Variants in XIRP2 observed in about 807,000 individuals in gnomAD.
XIRP2 encodes the protein xin actin-binding repeat-containing protein 2.
In XIRP2, 236 loss-of-function variants were observed where a neutral mutation model predicts 277.0. The ratio of observed to expected loss-of-function variants is 0.85; its 90% CI spans 0.77 to 0.95. The LOEUF (loss-of-function observed/expected upper bound fraction) is 0.95. Among genes scored for constraint, XIRP2 ranks in the 40% least tolerant of loss-of-function variants. The pLI is 0.00. For missense variants in XIRP2, 4,640 were observed against 4,157.5 expected (o/e 1.12, Z -3.19); for synonymous variants, 1,490 against 1,416.5 (o/e 1.05, Z -1.17).
Position 167,251,335 on chromosome 2 carries a change from GC to G in XIRP2, c.9945del (p.Asn3316ThrfsTer11), listed in dbSNP as rs1338885320. Reference sequence around the variant, plus strand: ...AGAGCACACACAGAGATATGAAGCGGCCAACCGAACTGTTCAAATGGCTGAA... The same window carrying G: ...AGAGCACACACAGAGATATGAAGCGGCAACCGAACTGTTCAAATGGCTGAA... Reference protein sequence around the residue: ...LSEHTQRYEAANRTVQMAENF... With the variant: ...LSEHTQRYEAXNRTVQMAENF... On this transcript the variant is annotated frameshift_variant, in exon 9 of 11. Transcript: ENST00000409195. LOFTEE classifies it high-confidence loss of function. The G allele has an allele frequency of 6.2e-7, 1 of 1,613,430 alleles. No homozygotes were observed. Among genetic ancestry groups the G allele is most frequent in the East Asian group, 2.2e-5 (1 of 44,838 alleles).
intron 2 of XIRP2, among the ~76,000 whole-genome samples, chr2:166,940,602 G>T (rs193153377): frequency 7.6e-4 from 115 of 152,254 alleles, no homozygotes; most frequent in Middle Eastern, 6.8e-3. Flanking sequence ...CTTTGATGGT[G>T]GTGGCGTACA....
chr2:167,217,794 T>C (rs190249270), intron 4 of XIRP2, among the ~76,000 whole-genome samples: 78 of 152,318 alleles, frequency 5.1e-4, no homozygotes, highest in African/African-American at 1.7e-3. Context: ...GGGATTTTAA[T>C]GACAACTTTA....
chr2:167,003,441 T>C (rs1474276538), intron 2 of XIRP2, among the ~76,000 whole-genome samples: 2 of 151,858 alleles, frequency 1.3e-5, no homozygotes, highest in Non-Finnish European at 2.9e-5. Flanking sequence ...ATATTTGAGC[T>C]GATTATTAAT....
intron 3 of XIRP2, among the ~76,000 whole-genome samples, chr2:167,157,490 T>C (rs73017988): frequency 0.099 from 15,042 of 152,178 alleles, 798 homozygotes; most frequent in South Asian, 0.16. Flanking sequence ...CGTGTGCATT[T>C]ACATTGTATA....
intron 5 of XIRP2, among the ~76,000 whole-genome samples, chr2:167,234,392 TTATA>T (rs71971811): frequency 6.7e-6 from 1 of 148,880 alleles, no homozygotes; most frequent in Non-Finnish European, 1.5e-5. Context: ...ATATCATTAA[TTATA>T]TATATATATA....
intron 2 of XIRP2, among the ~76,000 whole-genome samples, chr2:167,097,352 G>T (rs1338629649): frequency 6.7e-6 from 1 of 149,778 alleles, no homozygotes; most frequent in African/African-American, 2.5e-5. Context: ...TTTTATCAGA[G>T]ACTAGGATTG....
intron 2 of XIRP2, among the ~76,000 whole-genome samples, chr2:167,115,188 G>GT (rs1452327651): frequency 4.6e-5 from 7 of 151,276 alleles, no homozygotes; most frequent in Non-Finnish European, 8.8e-5. Context: ...CTTATAGTGT[G>GT]TTTTTCAGCT....
At chr2:167,041,670 G>A (rs1226590211) in intron 2 of XIRP2, among the ~76,000 whole-genome samples, 1 of 152,090 alleles carries the variant, frequency 6.6e-6, no homozygotes, top group African/African-American at 2.4e-5. Context: ...CAAGAAATGA[G>A]GAATGATGTA....
chr2:166,975,119 A>G (rs984043491), intron 2 of XIRP2, among the ~76,000 whole-genome samples: 2 of 152,168 alleles, frequency 1.3e-5, no homozygotes, highest in Non-Finnish European at 1.5e-5. Context: ...TTATAAATAC[A>G]TATTACCTAA....
intron 4 of XIRP2, among the ~76,000 whole-genome samples, chr2:167,211,601 A>G (rs1289550902): frequency 6.6e-6 from 1 of 152,166 alleles, no homozygotes; most frequent in African/African-American, 2.4e-5. Context: ...TTAATTTCAA[A>G]TTTTAATAAC....
intron 2 of XIRP2, among the ~76,000 whole-genome samples, chr2:166,929,105 C>T (rs1685261913): frequency 6.6e-6 from 1 of 151,860 alleles, no homozygotes; most frequent in Non-Finnish European, 1.5e-5. Flanking sequence ...TTTAGAAATA[C>T]AAATTTGGGG....
intron 3 of XIRP2, among the ~76,000 whole-genome samples, chr2:167,170,894 C>CT (rs773187641): frequency 0.036 from 3,307 of 92,682 alleles, 133 homozygotes; most frequent in East Asian, 0.14. Context: ...TGCCTTTCTT[C>CT]TTTTTTTTTT....
At chr2:167,179,962 A>G in intron 3 of XIRP2, among the ~76,000 whole-genome samples, 1 of 152,190 alleles carries the variant, frequency 6.6e-6, no homozygotes, top group East Asian at 1.9e-4. Flanking sequence ...TTTTTTATAT[A>G]TTCTAAAATA....
intron 3 of XIRP2, among the ~76,000 whole-genome samples, chr2:167,189,268 T>A (rs1370523883): frequency 2.6e-5 from 4 of 151,950 alleles, no homozygotes; most frequent in Non-Finnish European, 4.4e-5. Flanking sequence ...GCTCTCTCTC[T>A]CACACACACA....
At chr2:166,941,100 G>A (rs1017073380) in intron 2 of XIRP2, among the ~76,000 whole-genome samples, 20 of 152,128 alleles carry the variant, frequency 1.3e-4, no homozygotes, top group Non-Finnish European at 2.6e-4. Flanking sequence ...CACTCAGTTC[G>A]AGCTTCCCAG....
At chr2:166,944,704 C>CT (rs141985935) in intron 2 of XIRP2, among the ~76,000 whole-genome samples, 14,009 of 152,098 alleles carry the variant, frequency 0.092, 724 homozygotes, top group Non-Finnish European at 0.11. Flanking sequence ...TTTCTAAGTG[C>CT]TTTTTATGTT....
intron 2 of XIRP2, among the ~76,000 whole-genome samples, chr2:167,060,194 C>G (rs999393868): frequency 7.1e-6 from 1 of 141,018 alleles, no homozygotes; most frequent in Admixed American, 6.9e-5. Flanking sequence ...AAAATGATAA[C>G]GGGGGAAAAA....
intron 2 of XIRP2, among the ~76,000 whole-genome samples, chr2:166,966,779 A>C (rs1686444430): frequency 6.6e-6 from 1 of 152,004 alleles, no homozygotes; most frequent in Non-Finnish European, 1.5e-5. Flanking sequence ...TGGCAGGGTA[A>C]ATTACAGATA....
intron 10 of XIRP2, among the ~76,000 whole-genome samples, chr2:167,256,556 A>C (rs776625388): frequency 6.6e-6 from 1 of 151,666 alleles, no homozygotes; most frequent in Non-Finnish European, 1.5e-5. Flanking sequence ...TCATAGGTTA[A>C]ATTTTTGATA....
Sources: allele counts gnomAD v4.1 joint callset (sites outside exome capture counted in the v4.1 genomes callset), GRCh38; gene constraint gnomAD v4.1.1; transcripts MANE v1.5; gene names NCBI Gene and HGNC (gene_info 2026-07-23, HGNC 2026-07-21).